PBXIP1: variants seen among roughly 807,000 people sequenced by gnomAD.
The protein encoded by PBXIP1 is pre-B-cell leukemia transcription factor-interacting protein 1.
A neutral mutation model predicts 73.7 loss-of-function variants in PBXIP1; 73 were observed. That is an observed-to-expected ratio of 0.99 (90% CI 0.82 to 1.20). The LOEUF (loss-of-function observed/expected upper bound fraction) is 1.20. PBXIP1 is among the 50% of genes most tolerant of loss of function. The pLI, the probability that PBXIP1 is intolerant of heterozygous loss-of-function variation, is 0.00. For synonymous variants in PBXIP1, 330 were observed against 366.9 expected, an observed-to-expected ratio of 0.90 and a Z score of 1.15; for missense variants, 818 against 911.4, an observed-to-expected ratio of 0.90 and a Z score of 1.32.
chr1:154,944,404 T>G lies in PBXIP1; in HGVS notation c.*620A>C, dbSNP rs1364539647. On this transcript the variant is annotated 3_prime_UTR_variant, in exon 11 of 11. Transcript: ENST00000368463. ...GACCCATCCATTCAGGCAGGGGGTG[T>G]GGGGTGTCCCCTGTGCTTAGAAACC... is the stretch of plus-strand genomic sequence containing the variant. The G allele has an allele frequency of 6.6e-6, 1 of 152,274 alleles. No individual in the cohort carries two copies. Among genetic ancestry groups the G allele is most frequent in the East Asian group, 1.9e-4 (1 of 5,274 alleles). The allele number at this position is 152,274 out of a possible 1,614,324, so 9.4% of individuals were successfully genotyped here. A position where few individuals can be genotyped will look rare whatever the true frequency, so the allele number is the denominator to read the frequency against.
intron 10 of PBXIP1, 125 bp downstream of exon 10, chr1:154,945,447 A>G (rs1372609458): frequency 3.0e-6 from 3 of 1,015,958 alleles, no homozygotes; most frequent in Admixed American, 4.3e-5. Flanking sequence ...GCGGACCTGA[A>G]TGCCTTCTCT....
In PBXIP1 at chr1:154,946,368, A is replaced by G. The variant is rs1231650190; in HGVS notation, c.1306T>C (p.Leu436=). ...HAGLAELGHR[L]AQKLQGLENW... Reference sequence around the variant, plus strand: ...TCCAGGCCCTGCAGTTTCTGGGCCAATCTGTGGCCCAGCTCAGCCAAGCCA... The same window carrying G: ...TCCAGGCCCTGCAGTTTCTGGGCCAGTCTGTGGCCCAGCTCAGCCAAGCCA... Residue 436 remains leucine, a synonymous_variant, in exon 10 of 11, where the codon TTG becomes CTG. Coordinates refer to ENST00000368463, the MANE Select transcript of PBXIP1 (RefSeq NM_020524.4). The G allele has an allele frequency of 1.9e-6, 3 of 1,613,316 alleles. No individual in the cohort carries two copies. The Admixed American group carries it at 5.0e-5, about 27-fold the overall frequency.
rs774956282 is a variant in PBXIP1, at chr1:154,953,744, G to A, written c.-23C>T. 6.2e-7 allele frequency: 1 copy of A among 1,609,938 alleles called. No homozygotes were observed. Among genetic ancestry groups the A allele is most frequent in the East Asian group, 2.2e-5 (1 of 44,852 alleles). ...CATAGTTGCTGAGGTCCCTGAGGCT[G>A]CTGTGGCTGCCACCTGCAGAAGAAA... is the stretch of plus-strand genomic sequence containing the variant. On this transcript the variant is annotated 5_prime_UTR_variant, in exon 2 of 11. Transcript: ENST00000368463.
At chr1:154,947,908 AC>A (rs1320817561) in intron 7 of PBXIP1, 73 bp downstream of exon 7, 1 of 1,505,412 alleles carries the variant, frequency 6.6e-7, no homozygotes, top group Admixed American at 1.7e-5. Flanking sequence ...AGCCCCCAGC[AC>A]CCCTACTCCT....
Position 154,947,520 on chromosome 1 carries a change from G to A in PBXIP1, c.767C>T (p.Pro256Leu), listed in dbSNP as rs755507031. Residue 256 changes from proline to leucine, a missense_variant, in exon 9 of 11, where the codon CCA (proline) becomes CTA (leucine). Pro to Leu is a moderately conservative substitution (Grantham distance 98, BLOSUM62 -3). Coordinates refer to ENST00000368463, the MANE Select transcript of PBXIP1 (RefSeq NM_020524.4). ...QDGLREQLQA[P>L]VPPDSVPSLQ... ...GCTGGGGACACTGTCAGGAGGCACT[G>A]GGGCCTGCAGCTGTTCCCTTAGCCC... 7 of 1,607,912 alleles carry A rather than the reference G, an allele frequency of 4.4e-6. No homozygotes were observed. The highest frequency in any genetic ancestry group is 6.0e-6 in the Non-Finnish European group (7 of 1,175,812).
chr1:154,952,781 G>A (rs1655050725), intron 2 of PBXIP1, among the ~76,000 whole-genome samples: 1 of 152,088 alleles, frequency 6.6e-6, no homozygotes, highest in Non-Finnish European at 1.5e-5. Context: ...GGCTCTGAGA[G>A]CCTGGTGCCC....
Position 154,951,507 on chromosome 1 carries a change from C to A in PBXIP1, c.207G>T (p.Gln69His). ...TCTCCTCTGTTAGAATGCTGCCAGA[C>A]TGAGGGCTTTCAGTCTGGAAGAGCG... ...EGTLFQTESP[Q>H]SGSILTEETE... Residue 69 changes from glutamine to histidine, a missense_variant, in exon 4 of 11, where the codon CAG becomes CAT. Gln to His is a conservative substitution (Grantham distance 24). Coordinates refer to ENST00000368463, the MANE Select transcript of PBXIP1 (RefSeq NM_020524.4). The surrounding 1 kb of genome is among the most constrained non-coding windows in gnomAD (Gnocchi z 4.3). 1 of 1,614,152 alleles carries A rather than the reference C, an allele frequency of 6.2e-7. No homozygotes were observed. The highest frequency in any genetic ancestry group is 8.5e-7 in the Non-Finnish European group (1 of 1,180,016).
Position 154,947,627 on chromosome 1 carries a change from G to C in PBXIP1, c.738+15C>G. The C allele has an allele frequency of 6.2e-7, 1 of 1,613,522 alleles. No homozygotes were observed. The highest frequency in any genetic ancestry group is 8.5e-7 in the Non-Finnish European group (1 of 1,179,698). Reference sequence around the variant, plus strand: ...CAGCCAGGCCCCACCTGCCTCTGGAGACATTCACACATACCTGCCTGTCCC... The same window carrying C: ...CAGCCAGGCCCCACCTGCCTCTGGACACATTCACACATACCTGCCTGTCCC... On this transcript the variant is annotated intron_variant, in intron 8 of 10. Coordinates refer to ENST00000368463, the MANE Select transcript of PBXIP1 (RefSeq NM_020524.4).
intron 5 of PBXIP1, among the ~76,000 whole-genome samples, chr1:154,948,742 A>G (rs1445703562): frequency 6.6e-6 from 1 of 152,056 alleles, no homozygotes; most frequent in Admixed American, 6.6e-5. Context: ...TCCTAAAGTC[A>G]GTGGTCTCCC....
At chr1:154,947,762 T>C in intron 7 of PBXIP1, 50 bp from the exon 8 acceptor site, 1 of 1,563,466 alleles carries the variant, frequency 6.4e-7, no homozygotes, top group African/African-American at 1.4e-5. Context: ...ACAGAGCCCA[T>C]TCTCCCCACA....
At position 154,945,054 on chromosome 1, in the gene PBXIP1, G is replaced by A; in HGVS notation, c.2166C>T (p.Ser722=). Residue 722 remains serine, a synonymous_variant, in exon 11 of 11, where the codon AGC becomes AGT. Transcript: ENST00000368463. ...CCCGGTGGTGGTGGTGGTGGCTATG[G>A]CTGTGCCCCTCCCTGGGCCCCGCAG... The part of the protein sequence containing the change: ...PRAAGPREGH[S]HSHHHHHRG 3.1e-6 allele frequency: 5 copies of A among 1,614,070 alleles called. No individual in the cohort carries two copies. The highest frequency in any genetic ancestry group is 3.4e-6 in the Non-Finnish European group (4 of 1,179,946).
chr1:154,947,543 C>A lies in PBXIP1; in HGVS notation c.744G>T (p.Gly248=). The change falls in exon 9 of 11, where the codon GGG becomes GGT. Residue 248 remains glycine, a synonymous_variant. Transcript: ENST00000368463. ...CTGGGGCCTGCAGCTGTTCCCTTAG[C>A]CCATCCTGAGGGCAGAAGAGCCTGT... The part of the protein sequence containing the change: ...VLEAVGDRQD[G]LREQLQAPVP... 6.2e-7 allele frequency: 1 copy of A among 1,604,550 alleles called. No individual in the cohort carries two copies. The highest frequency in any genetic ancestry group is 8.5e-7 in the Non-Finnish European group (1 of 1,173,906).
At chr1:154,945,430 A>G in intron 10 of PBXIP1, 142 bp downstream of exon 10, 1 of 896,208 alleles carries the variant, frequency 1.1e-6, no homozygotes, top group East Asian at 2.4e-5. Flanking sequence ...TCAAGGGAAG[A>G]AAGGAAGCGG....
chr1:154,954,626 A>C (rs992136403), intron 1 of PBXIP1, among the ~76,000 whole-genome samples: 4 of 152,220 alleles, frequency 2.6e-5, no homozygotes, highest in African/African-American at 7.2e-5. Flanking sequence ...GCTTGCAAAA[A>C]ATAGACAAAA....
intron 2 of PBXIP1, among the ~76,000 whole-genome samples, chr1:154,953,422 C>T (rs984467034): frequency 2.0e-5 from 3 of 152,180 alleles, no homozygotes; most frequent in African/African-American, 4.8e-5. Context: ...TCTCTCCATT[C>T]GAAATCCATC....
In PBXIP1 at chr1:154,946,727, G is replaced by GC. The variant is rs778137001; in HGVS notation, c.946dup (p.Ala316GlyfsTer43). The GC allele has an allele frequency of 2.5e-6, 4 of 1,605,310 alleles. No individual in the cohort carries two copies. The highest frequency in any genetic ancestry group is 1.3e-5 in the African/African-American group (1 of 74,728). ...CTGGAAGGCTTCGCCCTGCTGCAGA[G>GC]CCCCCCGGAGCTGGGCATTCTCCTC... is the stretch of plus-strand genomic sequence containing the variant. On this transcript the variant is annotated frameshift_variant, in exon 10 of 11. Transcript: ENST00000368463. LOFTEE classifies it high-confidence loss of function.
intron 1 of PBXIP1, among the ~76,000 whole-genome samples, chr1:154,954,519 C>T (rs1007187910): frequency 3.9e-4 from 60 of 152,192 alleles, no homozygotes; most frequent in African/African-American, 1.4e-3. Flanking sequence ...TTCTGTTTAC[C>T]TTCTTAGTAA....
rs575825498 is a variant in PBXIP1 at position 154,954,522 on chromosome 1, C to G, written c.-36-765G>C. 1.2e-4 allele frequency among the ~76,000 whole-genome samples: 19 copies of G among 152,328 alleles called. No individual in the cohort carries two copies. In the South Asian group the frequency reaches 3.9e-3, roughly 32 times the overall value. On this transcript the variant is annotated intron_variant, in intron 1 of 10. Coordinates refer to ENST00000368463, the MANE Select transcript of PBXIP1 (RefSeq NM_020524.4). ...CTTCATCCTAAATTCTGTTTACCTTCTTAGTAATCGCCAGAGTTTGGTCTT... is the reference window on the plus strand; with the variant it reads ...CTTCATCCTAAATTCTGTTTACCTTGTTAGTAATCGCCAGAGTTTGGTCTT...
chr1:154,947,953 C>T, intron 7 of PBXIP1, 29 bp downstream of exon 7: 1 of 1,611,352 alleles, frequency 6.2e-7, no homozygotes, highest in Non-Finnish European at 8.5e-7. Context: ...TACAACTCCC[C>T]AGCACAAGAC....
Sources: allele counts gnomAD v4.1 joint callset (sites outside exome capture counted in the v4.1 genomes callset), GRCh38; gene constraint gnomAD v4.1.1; non-coding constraint Gnocchi (gnomAD v3.1); transcripts MANE v1.5; gene names NCBI Gene and HGNC (gene_info 2026-07-23, HGNC 2026-07-21).